ARID1B: variants seen among roughly 807,000 people sequenced by gnomAD.
ARID1B encodes the protein AT-rich interaction domain 1B, also known as AT-rich interactive domain-containing protein 1B.
A neutral mutation model predicts 212.3 loss-of-function variants in ARID1B; 30 were observed. The observed-to-expected ratio is 0.14, with a 90% CI of 0.11 to 0.19. ARID1B has a LOEUF of 0.19. ARID1B is among the 10% of genes least tolerant of loss of function. The pLI, the probability that ARID1B is intolerant of heterozygous loss-of-function variation, is 1.00. For synonymous variants in ARID1B, 1,402 were observed against 1,301.7 expected (o/e 1.08, Z -1.66); for missense variants, 2,891 against 3,204.0 (o/e 0.90, Z 2.36).
Position 156,922,875 on chromosome 6 carries a change from G to C in ARID1B, c.2137-12591G>C, listed in dbSNP as rs148683554. ...TAGATATGAGTTATGGTCCCAGTGT[G>C]GGGTAGGAAGAACTGATGTTGCTAG... On this transcript the variant is annotated intron_variant, in intron 3 of 19. Coordinates refer to ENST00000636930, the MANE Select transcript of ARID1B (RefSeq NM_001374828.1). Among the ~76,000 whole-genome samples, 283 of 152,302 alleles carry C rather than the reference G, an allele frequency of 1.9e-3. 2 individuals carry two copies. Among genetic ancestry groups the C allele is most frequent in the African/African-American group, 6.4e-3 (265 of 41,556 alleles).
Position 156,779,159 on chromosome 6 carries a change from G to A in ARID1B, c.1479G>A (p.Gln493=), listed in dbSNP as rs2114997527. 2.3e-6 allele frequency: 3 copies of A among 1,317,298 alleles called. No individual in the cohort carries two copies. The highest frequency in any genetic ancestry group is 3.2e-5 in the East Asian group (1 of 30,802). 81.6% of individuals were successfully genotyped at this position (1,317,298 alleles called of 1,614,324 possible). A position where few individuals can be genotyped will look rare whatever the true frequency, so the allele number is the denominator to read the frequency against. ...GGFQRFAGQN[Q]HPSGATPTLN... is the part of the protein sequence containing the mutation. ...TCCAGCGCTTCGCCGGCCAGAACCA[G>A]CACCCGTCGGGGGCCACCCCGACCC... is the stretch of plus-strand genomic sequence containing the variant. The change falls in exon 1 of 20, where the codon CAG becomes CAA. Residue 493 remains glutamine, a synonymous_variant. Coordinates refer to ENST00000636930, the MANE Select transcript of ARID1B (RefSeq NM_001374828.1).
intron 17 of ARID1B, among the ~76,000 whole-genome samples, chr6:157,199,769 T>C (rs1402814773): frequency 6.6e-6 from 1 of 151,928 alleles, no homozygotes; most frequent in Non-Finnish European, 1.5e-5. Context: ...GCTCAAGCGA[T>C]TCTCCTGCCT....
intron 3 of ARID1B, among the ~76,000 whole-genome samples, chr6:156,933,193 T>C (rs753154238): frequency 6.6e-6 from 1 of 152,116 alleles, no homozygotes; most frequent in Non-Finnish European, 1.5e-5. Context: ...AAGGGTAATA[T>C]GCATAGGACT....
chr6:157,188,500 C>T (rs1793135749), intron 13 of ARID1B, among the ~76,000 whole-genome samples: 1 of 152,196 alleles, frequency 6.6e-6, no homozygotes, highest in African/African-American at 2.4e-5. Flanking sequence ...TCCATTGCCA[C>T]TAGAGTAAAA....
intron 2 of ARID1B, among the ~76,000 whole-genome samples, chr6:156,900,978 T>C (rs1195992388): frequency 5.3e-5 from 8 of 152,266 alleles, no homozygotes; most frequent in Non-Finnish European, 1.2e-4. Context: ...ACAGGCCTTC[T>C]GTAAAGTATT....
intron 1 of ARID1B, among the ~76,000 whole-genome samples, chr6:156,808,780 C>T (rs1482128593): frequency 2.6e-5 from 4 of 152,086 alleles, no homozygotes; most frequent in Admixed American, 6.5e-5. Context: ...TTTAAAATAT[C>T]AATGCTCTTA....
intron 4 of ARID1B, among the ~76,000 whole-genome samples, chr6:157,021,699 C>T (rs1207304940): frequency 6.6e-6 from 1 of 151,994 alleles, no homozygotes; most frequent in Non-Finnish European, 1.5e-5. Flanking sequence ...CGGGCAAGCG[C>T]GGCCGCCGCC....
At chr6:157,107,223 C>T (rs1012081392) in intron 5 of ARID1B, among the ~76,000 whole-genome samples, 1 of 152,090 alleles carries the variant, frequency 6.6e-6, no homozygotes, top group Non-Finnish European at 1.5e-5. Context: ...GACTAAAGTA[C>T]CTACCAGCTG....
Position 157,189,796 on chromosome 6 carries a change from T to A in ARID1B, c.4058+16T>A, listed in dbSNP as rs1235959986. 1.9e-6 allele frequency: 3 copies of A among 1,612,680 alleles called. No homozygotes were observed. Among genetic ancestry groups the A allele is most frequent in the Non-Finnish European group, 2.5e-6 (3 of 1,179,764 alleles). On this transcript the variant is annotated intron_variant, in intron 14 of 19. Coordinates refer to ENST00000636930, the MANE Select transcript of ARID1B (RefSeq NM_001374828.1). ...AAGGTGGAAGGTATGTTCAAATAAC[T>A]CTGTGAGGCATACAAAGTCACATTT...
At chr6:156,893,829 G>A (rs1056251970) in intron 2 of ARID1B, among the ~76,000 whole-genome samples, 15 of 152,162 alleles carry the variant, frequency 9.9e-5, no homozygotes, top group African/African-American at 3.4e-4. Context: ...GGAAGCTTGC[G>A]TCCTGTTGGT....
intron 13 of ARID1B, chr6:157,186,679 A>G (rs1583473976): frequency 2.7e-6 from 1 of 372,802 alleles, no homozygotes; most frequent in East Asian, 7.6e-5. Flanking sequence ...TACGGTAAAA[A>G]TGTATGTTCT....
chr6:156,966,381 CTTTTCTTTTTTTTTT>C lies in ARID1B; in HGVS notation c.2247+30810_2247+30824del, dbSNP rs1481353070. 7.1e-3 allele frequency among the ~76,000 whole-genome samples: 632 copies of C among 89,412 alleles called. 2 individuals carry two copies. Among genetic ancestry groups the C allele is most frequent in the Admixed American group, 0.011 (81 of 7,592 alleles). The allele number at this position is 89,412 out of a possible 152,430, so 58.7% of individuals were successfully genotyped here. ...TACAGACATAAATAACTTTTCTTTT[CTTTTCTTTTTTTTTT>C]TTTTTTTTTTTTTTGAGACAGAGGT... On this transcript the variant is annotated intron_variant, in intron 4 of 19. Coordinates refer to ENST00000636930, the MANE Select transcript of ARID1B (RefSeq NM_001374828.1).
At chr6:157,079,838 G>A (rs1264452889) in intron 4 of ARID1B, among the ~76,000 whole-genome samples, 2 of 152,142 alleles carry the variant, frequency 1.3e-5, no homozygotes, top group Admixed American at 1.3e-4. Flanking sequence ...GAAGGTGAGG[G>A]TGTAGTTGAA....
intron 4 of ARID1B, among the ~76,000 whole-genome samples, chr6:157,063,385 C>T (rs1360088051): frequency 6.6e-5 from 10 of 152,176 alleles, no homozygotes; most frequent in Non-Finnish European, 1.3e-4. Context: ...AGGAAACAGC[C>T]TCACAGGTTA....
intron 4 of ARID1B, among the ~76,000 whole-genome samples, chr6:156,950,119 G>C (rs1479467228): frequency 6.6e-6 from 1 of 152,190 alleles, no homozygotes; most frequent in East Asian, 1.9e-4. Context: ...TAGCATAGTG[G>C]CTGCAGTGAT....
intron 4 of ARID1B, among the ~76,000 whole-genome samples, chr6:157,041,529 G>A (rs1781875116): frequency 6.6e-6 from 1 of 152,114 alleles, no homozygotes; most frequent in African/African-American, 2.4e-5. Context: ...AAAATTTCAT[G>A]ACTGTGAATG....
At chr6:157,144,908 A>G (rs1431034444) in intron 7 of ARID1B, among the ~76,000 whole-genome samples, 1 of 152,162 alleles carries the variant, frequency 6.6e-6, no homozygotes, top group Non-Finnish European at 1.5e-5. Context: ...CAAAGTTTTG[A>G]TGGTATCTGC....
At chr6:156,837,804 C>T (rs751605431) in intron 2 of ARID1B, among the ~76,000 whole-genome samples, 1 of 152,164 alleles carries the variant, frequency 6.6e-6, no homozygotes, top group Non-Finnish European at 1.5e-5. Context: ...GGCTCTCCTC[C>T]GCAGAGCCAG....
chr6:157,062,647 TTTG>T (rs1783412738), intron 4 of ARID1B, among the ~76,000 whole-genome samples: 1 of 151,726 alleles, frequency 6.6e-6, no homozygotes, highest in African/African-American at 2.4e-5. Context: ...TCCTGTGATG[TTTG>T]TTGTTTCATA....
Sources: allele counts gnomAD v4.1 joint callset (sites outside exome capture counted in the v4.1 genomes callset), GRCh38; gene constraint gnomAD v4.1.1; transcripts MANE v1.5; gene names NCBI Gene and HGNC (gene_info 2026-07-23, HGNC 2026-07-21).